Variants in MGST1 observed in about 807,000 individuals in gnomAD.
MGST1 encodes glutathione S-transferase 12.
MGST1 carries 5 observed loss-of-function variants against 8.9 expected under a neutral mutation model. That is an observed-to-expected ratio of 0.56 (90% CI 0.29 to 1.19). MGST1 has a LOEUF of 1.19. Ranked by LOEUF, MGST1 falls within the 50% of genes most tolerant of loss-of-function variation. MGST1 has a pLI of 0.08. For synonymous variants in MGST1, 54 were observed against 67.8 expected (o/e 0.80, Z 1.00); for missense variants, 182 against 187.4 (o/e 0.97, Z 0.17).
intron 4 of MGST1, among the ~76,000 whole-genome samples, chr12:16,540,177 T>C (rs1488544116): frequency 6.6e-6 from 1 of 152,228 alleles, no homozygotes; most frequent in Non-Finnish European, 1.5e-5. Flanking sequence ...TCCCCACAGA[T>C]TGTGAGCTAC....
At chr12:16,496,391 G>A (rs1252000958) in intron 4 of MGST1, among the ~76,000 whole-genome samples, 1 of 152,102 alleles carries the variant, frequency 6.6e-6, no homozygotes, top group African/African-American at 2.4e-5. Flanking sequence ...ATAACGCTGG[G>A]TGCGAAGATA....
intron 1 of MGST1, among the ~76,000 whole-genome samples, chr12:16,432,005 T>G (rs1478447517): frequency 6.6e-6 from 1 of 152,232 alleles, no homozygotes; most frequent in Non-Finnish European, 1.5e-5. Context: ...AAATTCATTT[T>G]GATGATTTTA....
chr12:16,521,682 C>T (rs975476728), intron 4 of MGST1, among the ~76,000 whole-genome samples: 1 of 151,992 alleles, frequency 6.6e-6, no homozygotes, highest in Non-Finnish European at 1.5e-5. Context: ...TATTTTTTGT[C>T]TTTTCCCTTT....
chr12:16,353,191 A>G (rs932703928), intron 1 of MGST1, among the ~76,000 whole-genome samples: 4 of 151,596 alleles, frequency 2.6e-5, no homozygotes, highest in African/African-American at 9.7e-5. Flanking sequence ...CTGCCACCAC[A>G]CCCGGCTAAT....
intron 4 of MGST1, among the ~76,000 whole-genome samples, chr12:16,518,370 G>A (rs1291230386): frequency 6.6e-6 from 1 of 152,116 alleles, no homozygotes; most frequent in Non-Finnish European, 1.5e-5. Flanking sequence ...TAAAAATAAT[G>A]ACAGAAGGCT....
At position 16,476,680 on chromosome 12, in the gene MGST1, A is replaced by G. The variant is rs181900226; in HGVS notation, n.482+93076A>G. On this transcript the variant is annotated intron_variant and non_coding_transcript_variant, in intron 4 of 4. Coordinates refer to the MGST1 transcript ENST00000538857. ...AAAACTTGAACTGCTTTAGATAATA[A>G]TTTTTTGATAAGGTCAGACTTGAAG... 2.8e-3 allele frequency among the ~76,000 whole-genome samples: 424 copies of G among 152,284 alleles called. 2 individuals are homozygous for G. The highest frequency in any genetic ancestry group is 3.9e-3 in the Non-Finnish European group (264 of 68,006).
intron 1 of MGST1, among the ~76,000 whole-genome samples, chr12:16,394,720 C>T (rs1293616753): frequency 6.6e-6 from 1 of 151,974 alleles, no homozygotes; most frequent in Non-Finnish European, 1.5e-5. Context: ...GCCTCAGGCT[C>T]CAAGTAGCTG....
At chr12:16,492,998 C>T (rs575063238) in intron 4 of MGST1, among the ~76,000 whole-genome samples, 2 of 152,220 alleles carry the variant, frequency 1.3e-5, no homozygotes, top group East Asian at 3.9e-4. Flanking sequence ...ACCCTAGGCA[C>T]AGTAATTTTC....
chr12:16,539,437 A>G (rs1361738335), intron 4 of MGST1, among the ~76,000 whole-genome samples: 3 of 152,122 alleles, frequency 2.0e-5, no homozygotes, highest in Non-Finnish European at 4.4e-5. Flanking sequence ...TTGTAATTCC[A>G]TGTTCTATCC....
intron 4 of MGST1, among the ~76,000 whole-genome samples, chr12:16,530,411 C>T (rs1440162776): frequency 6.6e-6 from 1 of 152,056 alleles, no homozygotes; most frequent in African/African-American, 2.4e-5. Context: ...CTGCTACAAA[C>T]TCAGCCCCTG....
intron 4 of MGST1, among the ~76,000 whole-genome samples, chr12:16,444,434 C>T (rs945384094): frequency 2.0e-5 from 3 of 151,764 alleles, no homozygotes; most frequent in Admixed American, 1.3e-4. Flanking sequence ...AATACTTTTT[C>T]CTTTGCCAAA....
At chr12:16,469,381 G>A (rs11836289) in intron 4 of MGST1, among the ~76,000 whole-genome samples, 266 of 152,086 alleles carry the variant, frequency 1.7e-3, no homozygotes, top group African/African-American at 5.6e-3. Flanking sequence ...TAGAGACAAG[G>A]TTTCACCATG....
intron 3 of MGST1, among the ~76,000 whole-genome samples, chr12:16,358,209 GAT>G (rs1939815450): frequency 6.6e-6 from 1 of 152,134 alleles, no homozygotes; most frequent in African/African-American, 2.4e-5. Flanking sequence ...AATAAGCCAA[GAT>G]ACGACTGGGG....
At chr12:16,392,370 A>G (rs1440992249) in intron 1 of MGST1, among the ~76,000 whole-genome samples, 1 of 152,192 alleles carries the variant, frequency 6.6e-6, no homozygotes, top group Non-Finnish European at 1.5e-5. Flanking sequence ...TGGCACTCTC[A>G]GAAAGTTTCG....
At chr12:16,476,482 C>G (rs991003402) in intron 4 of MGST1, among the ~76,000 whole-genome samples, 2 of 152,140 alleles carry the variant, frequency 1.3e-5, no homozygotes, top group Admixed American at 1.3e-4. Context: ...CTATTTCAGG[C>G]CCTTCGTAGG....
intron 4 of MGST1, among the ~76,000 whole-genome samples, chr12:16,526,646 G>T (rs1379549832): frequency 1.3e-5 from 2 of 151,958 alleles, no homozygotes; most frequent in African/African-American, 4.8e-5. Context: ...AAGGAATTTT[G>T]AGTCACAAGT....
At chr12:16,392,581 C>T (rs1267324878) in intron 1 of MGST1, among the ~76,000 whole-genome samples, 1 of 152,154 alleles carries the variant, frequency 6.6e-6, no homozygotes, top group Non-Finnish European at 1.5e-5. Flanking sequence ...ATGTTCAAGT[C>T]ATAATCTCAA....
intron 1 of MGST1, among the ~76,000 whole-genome samples, chr12:16,426,065 C>T (rs187151611): frequency 3.4e-4 from 51 of 152,162 alleles, no homozygotes; most frequent in East Asian, 2.5e-3. Context: ...GACCAGTAAC[C>T]CTCCACACTC....
At position 16,363,707 on chromosome 12, in the gene MGST1, T is replaced by C. The variant is rs376095378; in HGVS notation, c.222-88T>C. On this transcript the variant is annotated intron_variant, in intron 3 of 3. Transcript: ENST00000396210. This position sits in a 1 kb window ranked among gnomAD's most constrained non-coding sequence, Gnocchi z 4.6. Reference sequence around the variant, plus strand: ...TTGAAATTTAAGGATCCATTAGTGCTCAGATTTAGTTTTTAGAAGAGAGAG... The same window carrying C: ...TTGAAATTTAAGGATCCATTAGTGCCCAGATTTAGTTTTTAGAAGAGAGAG... The C allele has an allele frequency of 3.5e-6, 4 of 1,153,762 alleles. No individual in the cohort carries two copies. The highest frequency in any genetic ancestry group is 3.5e-6 in the Non-Finnish European group (3 of 846,022). 71.5% of individuals were successfully genotyped at this position (1,153,762 alleles called of 1,614,324 possible).
Sources: gnomAD v4.1 joint callset for allele counts (sites outside exome capture counted in the v4.1 genomes callset) on GRCh38, gnomAD v4.1.1 for gene constraint, Gnocchi (gnomAD v3.1) non-coding constraint, MANE v1.5 for transcripts, NCBI Gene and HGNC (gene_info 2026-07-23, HGNC 2026-07-21) for gene names.